MAGEA11: variants seen among roughly 807,000 people sequenced by gnomAD.
MAGEA11 encodes the protein MAGE family member A11.
In MAGEA11, 1 loss-of-function variant was observed where a neutral mutation model predicts 8.4. The observed-to-expected ratio is 0.12, with a 90% confidence interval of 0.04 to 0.57. The LOEUF (loss-of-function observed/expected upper bound fraction) is 0.57, where lower values mean the gene tolerates loss of function less well. MAGEA11 is among the 20% of genes least tolerant of loss of function. The pLI is 0.91. For missense variants in MAGEA11, 209 were observed against 317.3 expected (o/e 0.66, Z 2.59); for synonymous variants, 127 against 119.3 (o/e 1.06, Z -0.42).
In MAGEA11 at chrX:149,714,526, G is replaced by A. The variant is rs782352159; in HGVS notation, c.142G>A (p.Ala48Thr). 1.3e-5 allele frequency: 16 copies of A among 1,209,640 alleles called. No individual in the cohort carries two copies. The Admixed American group carries it at 3.3e-4, about 25-fold the overall frequency. ...GGACGACTTCCAGTCAACAGAAAGA[G>A]CCCCATATGGTCCACAACTACAGTG... ...SEDDFQSTER[A>T]PYGPQLQWSQ... The change falls in exon 3 of 5, where the codon GCC becomes ACC. Residue 48 changes from alanine (A) to threonine (T), a missense_variant. This residue lies in a region of MAGEA11 where 131 missense variants were observed against 138.5 expected (regional missense o/e 0.95). Transcript: ENST00000355220.
At chrX:149,705,062 G>A (rs942819702) in intron 1 of MAGEA11, among the ~76,000 whole-genome samples, 5 of 112,510 alleles carry the variant, frequency 4.4e-5, no homozygotes, top group East Asian at 2.8e-4. Flanking sequence ...ACTAGCCCCC[G>A]CTATCCCTAT....
At chrX:149,715,583 C>G in intron 3 of MAGEA11, 21 bp from the exon 4 acceptor site, 1 of 1,142,038 alleles carries the variant, frequency 8.8e-7, no homozygotes, top group Admixed American at 2.2e-5. Flanking sequence ...TCTTGAGCAG[C>G]CTTCTCACTT....
In MAGEA11 at chrX:149,693,996, T is replaced by A. The variant is rs1281486623; in HGVS notation, c.9+5012T>A. Among the ~76,000 whole-genome samples the A allele has an allele frequency of 4.5e-5, 5 of 112,356 alleles. No individual in the cohort carries two copies. In the Admixed American group the frequency reaches 4.7e-4, roughly 11 times the overall value. ...TGGACATTTAGGTTATTTCCACTTT[T>A]TGGTATTATGAATAATGCGTCTATG... is the stretch of plus-strand genomic sequence containing the variant. On this transcript the variant is annotated intron_variant, in intron 1 of 3. Transcript: ENST00000333104.
In MAGEA11 at chrX:149,716,553, A is replaced by G; in HGVS notation, c.1067A>G (p.Lys356Arg). 3 of 1,211,138 alleles carry G rather than the reference A, an allele frequency of 2.5e-6. No homozygotes were observed. Among genetic ancestry groups the G allele is most frequent in the South Asian group, 3.5e-5 (2 of 56,947 alleles). The change falls in exon 5 of 5, where the codon AAG (lysine) becomes AGG (arginine). Residue 356 changes from lysine (K) to arginine (R), a missense_variant. By Grantham distance (26) the Lys-to-Arg change is conservative. Transcript: ENST00000355220. ...GREHFLFGEPKRLLTQNWVQE... is the reference protein window; with the variant it reads ...GREHFLFGEPRRLLTQNWVQE... ...GAGCACTTCCTCTTTGGGGAGCCCA[A>G]GAGGCTCCTTACCCAAAATTGGGTG...
upstream of MAGEA11, chrX:149,711,680 C>T (rs1557361905): frequency 5.1e-6 from 1 of 195,030 alleles, no homozygotes. Flanking sequence ...CCACAGAATC[C>T]AGCTCGGTCC....
chrX:149,702,230 G>A (rs892482046), intron 1 of MAGEA11, among the ~76,000 whole-genome samples: 8 of 111,512 alleles, frequency 7.2e-5, no homozygotes, highest in African/African-American at 2.3e-4. Flanking sequence ...TAGTCATGGC[G>A]ACCTTCTATC....
intron 1 of MAGEA11, among the ~76,000 whole-genome samples, chrX:149,697,158 C>T (rs2090333161): frequency 9.0e-6 from 1 of 110,569 alleles, no homozygotes; most frequent in Admixed American, 9.6e-5. Context: ...CCTCTGCAGA[C>T]CCCAAGCACC....
rs1557362514 is a variant in MAGEA11 at position 149,716,384 on chromosome X, G to A, written c.898G>A (p.Asp300Asn). Residue 300 changes from aspartate to asparagine, a missense_variant, in exon 5 of 5, where the codon GAT (aspartate) becomes AAT (asparagine). Physicochemically the swap from Asp to Asn is conservative, Grantham distance 23. This residue lies in a region of MAGEA11 where 78 missense variants were observed against 178.8 expected (regional missense o/e 0.44). Coordinates refer to ENST00000355220, the MANE Select transcript of MAGEA11 (RefSeq NM_005366.5). ...VLVTSLNLSY[D>N]GIQCNEQSMP... ...TGTCACCTCCCTCAACCTCTCTTATGATGGCATACAGTGTAATGAGCAGAG... is the reference window on the plus strand; with the variant it reads ...TGTCACCTCCCTCAACCTCTCTTATAATGGCATACAGTGTAATGAGCAGAG... 2.5e-6 allele frequency: 3 copies of A among 1,211,792 alleles called. No individual in the cohort carries two copies. Among genetic ancestry groups the A allele is most frequent in the Non-Finnish European group, 1.1e-6 (1 of 895,529 alleles).
chrX:149,694,316 G>A (rs1241907155), intron 1 of MAGEA11, among the ~76,000 whole-genome samples: 8 of 112,184 alleles, frequency 7.1e-5, no homozygotes, highest in African/African-American at 1.6e-4. Flanking sequence ...GATGACTAAC[G>A]ATGTTGAGCA....
chrX:149,704,304 C>T (rs1389535393), intron 1 of MAGEA11, among the ~76,000 whole-genome samples: 1 of 112,328 alleles, frequency 8.9e-6, no homozygotes, highest in Non-Finnish European at 1.9e-5. Context: ...AGAACCGCGA[C>T]CCCTGCAATG....
At chrX:149,709,069 G>A (rs1557361710), upstream of MAGEA11, among the ~76,000 whole-genome samples, 2 of 109,284 alleles carry the variant, frequency 1.8e-5, no homozygotes, top group Non-Finnish European at 3.8e-5. Flanking sequence ...GGTGGATCAC[G>A]AGGTCAGGAG....
chrX:149,691,668 A>T (rs782289352), intron 1 of MAGEA11, among the ~76,000 whole-genome samples: 1 of 112,062 alleles, frequency 8.9e-6, no homozygotes, highest in African/African-American at 3.2e-5. Flanking sequence ...AGGAAACAAG[A>T]ACTATCCTCA....
At position 149,717,037 on chromosome X, in the gene MAGEA11, G is replaced by A. The variant is rs782434813; in HGVS notation, c.*261G>A. ...TTGGTAATTTTCAAATATTGTTCCT[G>A]TAATAAAAGTTTTAGTTAGCTTCAA... On this transcript the variant is annotated 3_prime_UTR_variant, in exon 5 of 5. Coordinates refer to ENST00000355220, the MANE Select transcript of MAGEA11 (RefSeq NM_005366.5). 1.7e-5 allele frequency: 5 copies of A among 292,928 alleles called. No homozygotes were observed. In the East Asian group the frequency reaches 2.1e-4, roughly 12 times the overall value. 24.1% of individuals were successfully genotyped at this position (292,928 alleles called of 1,213,427 possible). A position where few individuals can be genotyped will look rare whatever the true frequency, so the allele number is the denominator to read the frequency against.
chrX:149,716,790 C>T lies in MAGEA11; in HGVS notation c.*14C>T. On this transcript the variant is annotated 3_prime_UTR_variant, in exon 5 of 5. Transcript: ENST00000355220. ...GAGGGAGTCTGAGCATGAGATGCAA[C>T]CAGGGCCAGCGGGCAGGGAAATGGG... 1 of 1,175,949 alleles carries T rather than the reference C, an allele frequency of 8.5e-7. No individual in the cohort carries two copies. The highest frequency in any genetic ancestry group is 1.1e-6 in the Non-Finnish European group (1 of 876,120).
upstream of MAGEA11, among the ~76,000 whole-genome samples, chrX:149,707,558 AT>A (rs1331715981): frequency 3.6e-5 from 4 of 112,223 alleles, no homozygotes; most frequent in Admixed American, 9.4e-5. Flanking sequence ...TTGCTGATTT[AT>A]TTTTAAATCA....
At chrX:149,709,782 G>T (rs1200432945), upstream of MAGEA11, among the ~76,000 whole-genome samples, 1 of 111,964 alleles carries the variant, frequency 8.9e-6, no homozygotes, top group Admixed American at 9.5e-5. Context: ...GAAAAAATTA[G>T]TAATCATCCA....
At chrX:149,706,453 G>A (rs1199936956) in intron 1 of MAGEA11, among the ~76,000 whole-genome samples, 2 of 111,968 alleles carry the variant, frequency 1.8e-5, no homozygotes, top group African/African-American at 6.5e-5. Context: ...TTTAATTAAT[G>A]TGTGGGCATT....
chrX:149,693,027 T>C (rs1441411705), intron 1 of MAGEA11, among the ~76,000 whole-genome samples: 1 of 112,367 alleles, frequency 8.9e-6, no homozygotes, highest in Non-Finnish European at 1.9e-5. Context: ...CTCTCGAGTA[T>C]GTCTTTGTTG....
At chrX:149,694,460 A>G (rs2090322417) in intron 1 of MAGEA11, among the ~76,000 whole-genome samples, 1 of 112,199 alleles carries the variant, frequency 8.9e-6, no homozygotes, top group Admixed American at 9.4e-5. Context: ...TCTGGATATT[A>G]GATCCTTATC....
Sources: gnomAD v4.1 joint callset for allele counts (sites outside exome capture counted in the v4.1 genomes callset) on GRCh38, gnomAD v4.1.1 for gene constraint, gnomAD v4.1.1 regional missense constraint, MANE v1.5 for transcripts, NCBI Gene and HGNC (gene_info 2026-07-23, HGNC 2026-07-21) for gene names.